The following HMGCLL1 variants were observed in gnomAD, a reference collection of about 807,000 sequenced individuals.
HMGCLL1 encodes 3-hydroxymethyl-3-methylglutaryl-CoA lyase, cytoplasmic.
In HMGCLL1, 36 loss-of-function variants were observed where a neutral mutation model predicts 39.1. That is an observed-to-expected ratio of 0.92 (90% CI 0.71 to 1.22). HMGCLL1 has a LOEUF of 1.22. Among genes scored for constraint, HMGCLL1 ranks in the 50% most tolerant of loss-of-function variants. The pLI, the probability that HMGCLL1 is intolerant of heterozygous loss-of-function variation, is 0.00. For synonymous variants in HMGCLL1, 149 were observed against 144.0 expected (o/e 1.03, Z -0.25); for missense variants, 451 against 416.5 (o/e 1.08, Z -0.72).
chr6:55,550,739 T>A (rs946744898), intron 1 of HMGCLL1, among the ~76,000 whole-genome samples: 1 of 151,678 alleles, frequency 6.6e-6, no homozygotes, highest in African/African-American at 2.4e-5. Flanking sequence ...TATTAACATA[T>A]TCACTCGTTC....
chr6:55,650,136 C>CAT, the HMGCLL1 span, among the ~76,000 whole-genome samples: 1 of 43,042 alleles, frequency 2.3e-5, no homozygotes, highest in African/African-American at 8.3e-5. Context: ...TATATATATA[C>CAT]ACACACACAC....
chr6:55,560,943 A>G (rs1244558338), intron 1 of HMGCLL1, among the ~76,000 whole-genome samples: 1 of 152,184 alleles, frequency 6.6e-6, no homozygotes, highest in Admixed American at 6.6e-5. Flanking sequence ...CTAGTAAAAA[A>G]TAAACCACAG....
At chr6:55,494,836 C>T (rs1397376545) in intron 7 of HMGCLL1, among the ~76,000 whole-genome samples, 2 of 152,268 alleles carry the variant, frequency 1.3e-5, no homozygotes, top group Middle Eastern at 3.4e-3. Context: ...TTTAAAATAA[C>T]ACAGAGTATA....
At chr6:55,608,446 C>A in the HMGCLL1 span, among the ~76,000 whole-genome samples, 1 of 151,692 alleles carries the variant, frequency 6.6e-6, no homozygotes, top group Non-Finnish European at 1.5e-5. Flanking sequence ...GAGAATCAGG[C>A]ATTTTTCAGT....
chr6:55,654,774 A>G, the HMGCLL1 span, among the ~76,000 whole-genome samples: 672 of 152,008 alleles, frequency 4.4e-3, 6 homozygotes, highest in Non-Finnish European at 7.3e-3. Context: ...CAGCTTGCAC[A>G]TATCACATTA....
At chr6:55,485,047 T>C (rs1487787095) in intron 7 of HMGCLL1, among the ~76,000 whole-genome samples, 1 of 152,176 alleles carries the variant, frequency 6.6e-6, no homozygotes, top group Non-Finnish European at 1.5e-5. Context: ...CATGTTAGAA[T>C]CTTGACTGTA....
At chr6:55,677,492 T>G in the HMGCLL1 span, among the ~76,000 whole-genome samples, 1 of 152,266 alleles carries the variant, frequency 6.6e-6, no homozygotes, top group Non-Finnish European at 1.5e-5. Context: ...CATCCAAGTT[T>G]GTTTTTCTTA....
At chr6:55,661,962 T>C in the HMGCLL1 span, among the ~76,000 whole-genome samples, 1 of 151,762 alleles carries the variant, frequency 6.6e-6, no homozygotes, top group East Asian at 1.9e-4. Context: ...AGGTATATTC[T>C]TTTTGTGGCA....
intron 7 of HMGCLL1, among the ~76,000 whole-genome samples, chr6:55,476,317 A>G (rs539210922): frequency 1.3e-5 from 2 of 151,788 alleles, no homozygotes; most frequent in South Asian, 2.1e-4. Context: ...ACCATATTTT[A>G]ATAATATTGC....
At chr6:55,501,236 T>C (rs1766865822) in intron 5 of HMGCLL1, among the ~76,000 whole-genome samples, 1 of 151,928 alleles carries the variant, frequency 6.6e-6, no homozygotes, top group South Asian at 2.1e-4. Flanking sequence ...TTCCCTTAAC[T>C]GTATACTTTA....
chr6:55,624,160 TG>T, the HMGCLL1 span, among the ~76,000 whole-genome samples: 5 of 152,156 alleles, frequency 3.3e-5, no homozygotes, highest in Admixed American at 2.0e-4. Flanking sequence ...ATAGGAATTG[TG>T]CAAATTAGTG....
At chr6:55,628,276 T>C in the HMGCLL1 span, among the ~76,000 whole-genome samples, 7 of 129,176 alleles carry the variant, frequency 5.4e-5, no homozygotes, top group Non-Finnish European at 1.1e-4. Flanking sequence ...TTTCAGCACT[T>C]TATTGTTCTT....
the HMGCLL1 span, among the ~76,000 whole-genome samples, chr6:55,642,052 T>G: frequency 1.2e-5 from 1 of 82,320 alleles, no homozygotes; most frequent in South Asian, 5.6e-4. Flanking sequence ...ATGCTATCCC[T>G]CCCCCCTCCC....
the HMGCLL1 span, among the ~76,000 whole-genome samples, chr6:55,670,231 C>A: frequency 6.6e-6 from 1 of 151,584 alleles, no homozygotes; most frequent in East Asian, 1.9e-4. Context: ...AACTGTCATT[C>A]CAGAATTCTA....
the HMGCLL1 span, among the ~76,000 whole-genome samples, chr6:55,624,381 C>A: frequency 6.6e-6 from 1 of 152,162 alleles, no homozygotes; most frequent in African/African-American, 2.4e-5. Flanking sequence ...TGGTACATTG[C>A]ATGCAGCCAT....
At chr6:55,583,176 T>C (rs1338884691), upstream of HMGCLL1, among the ~76,000 whole-genome samples, 1 of 152,108 alleles carries the variant, frequency 6.6e-6, no homozygotes, top group Non-Finnish European at 1.5e-5. Flanking sequence ...TTATCTTTGA[T>C]GAAGCCATTT....
chr6:55,507,768 AT>A (rs1266063693), intron 5 of HMGCLL1, among the ~76,000 whole-genome samples: 5 of 151,762 alleles, frequency 3.3e-5, no homozygotes, highest in African/African-American at 1.2e-4. Flanking sequence ...TATGAAAGAC[AT>A]TTCATTTCAT....
chr6:55,591,099 C>T, the HMGCLL1 span, among the ~76,000 whole-genome samples: 4 of 151,864 alleles, frequency 2.6e-5, no homozygotes, highest in East Asian at 1.9e-4. Context: ...GTATTTCCTG[C>T]TTCTAATATA....
intron 3 of HMGCLL1, among the ~76,000 whole-genome samples, chr6:55,535,699 T>C (rs538770554): frequency 4.3e-4 from 66 of 152,250 alleles, no homozygotes; most frequent in Admixed American, 1.3e-3. Context: ...TCTTGGTAAA[T>C]TTCACCAGGA....
Sources: allele counts gnomAD v4.1 joint callset (sites outside exome capture counted in the v4.1 genomes callset), GRCh38; gene constraint gnomAD v4.1.1; transcripts MANE v1.5; gene names NCBI Gene and HGNC (gene_info 2026-07-23, HGNC 2026-07-21).